The following KIF13B variants were observed in gnomAD, a reference collection of about 807,000 sequenced individuals.
KIF13B encodes the protein kinesin family member 13B.
A neutral mutation model predicts 222.0 loss-of-function variants in KIF13B; 127 were observed. That is an observed-to-expected ratio of 0.57 (90% confidence interval 0.50 to 0.66). The LOEUF (loss-of-function observed/expected upper bound fraction) is 0.66, where lower values mean the gene tolerates loss of function less well. Among genes scored for constraint, KIF13B ranks in the 30% least tolerant of loss-of-function variants. KIF13B has a pLI of 0.00. For missense variants in KIF13B, 2,173 were observed against 2,379.0 expected, an observed-to-expected ratio of 0.91 and a Z score of 1.80; for synonymous variants, 976 against 919.0, an observed-to-expected ratio of 1.06 and a Z score of -1.12.
chr8:29,095,143 C>T, intron 36 of KIF13B, among the ~76,000 whole-genome samples: 1 of 152,058 alleles, frequency 6.6e-6, no homozygotes. Flanking sequence ...TTTACGGATC[C>T]AATAACTTGA....
At position 29,071,711 on chromosome 8, in the gene KIF13B, C is replaced by T. The variant is rs113892153; in HGVS notation, c.5127G>A (p.Val1709=). 2 of 1,550,688 alleles carry T rather than the reference C, an allele frequency of 1.3e-6. No individual in the cohort carries two copies. Among genetic ancestry groups the T allele is most frequent in the South Asian group, 2.4e-5 (2 of 84,068 alleles). The change falls in exon 39 of 40, where the codon GTG becomes GTA. Residue 1709 remains valine (V), a synonymous_variant. Coordinates refer to ENST00000524189, the MANE Select transcript of KIF13B (RefSeq NM_015254.4). This position sits in a 1 kb window ranked among gnomAD's most constrained non-coding sequence, Gnocchi z 4.9. ...EWLREGEFVT[V]GAHKTGVVRY... ...TCACCACGCCCGTTTTGTGGGCGCC[C>T]ACGGTGACGAACTCGCCCTCTCGGA...
rs1811749039 is a variant in KIF13B at position 29,160,908 on chromosome 8, G to A, written c.1270-41C>T. On this transcript the variant is annotated intron_variant, in intron 12 of 39. Coordinates refer to ENST00000524189, the MANE Select transcript of KIF13B (RefSeq NM_015254.4). ...GAGAAGTATTAATTTCACAGCTATTGAGGCAGTGAGATATCCAAGCGTTTA... is the reference window on the plus strand; with the variant it reads ...GAGAAGTATTAATTTCACAGCTATTAAGGCAGTGAGATATCCAAGCGTTTA... 3.2e-6 allele frequency: 5 copies of A among 1,564,860 alleles called. No homozygotes were observed. In the South Asian group the frequency reaches 3.4e-5, roughly 11 times the overall value.
In KIF13B at chr8:29,072,271, C is replaced by A. The variant is rs1455823629; in HGVS notation, c.4567G>T (p.Ala1523Ser). The change falls in exon 39 of 40, where the codon GCC becomes TCC. Residue 1523 changes from alanine (A) to serine (S), a missense_variant. By Grantham distance (99) the Ala-to-Ser change is moderately conservative. Coordinates refer to ENST00000524189, the MANE Select transcript of KIF13B (RefSeq NM_015254.4). ...GPDVLVQTMG[A>S]PALKICDKPA... ...TTGTCGCAGATCTTCAAGGCCGGGG[C>A]CCCCATCGTCTGCACCAGCACGTCA... is the stretch of plus-strand genomic sequence containing the variant. The A allele has an allele frequency of 2.0e-6, 3 of 1,469,990 alleles. No individual in the cohort carries two copies. The highest frequency in any genetic ancestry group is 5.0e-5 in the Admixed American group (2 of 39,854). The allele number at this position is 1,469,990 out of a possible 1,614,324, so 91.1% of individuals were successfully genotyped here. A position where few individuals can be genotyped will look rare whatever the true frequency, so the allele number is the denominator to read the frequency against.
intron 2 of KIF13B, among the ~76,000 whole-genome samples, chr8:29,203,988 C>A (rs1207024206): frequency 6.6e-6 from 1 of 151,378 alleles, no homozygotes; most frequent in Admixed American, 6.6e-5. Flanking sequence ...TAGGAGGAGA[C>A]CTAGAAAAGG....
At chr8:29,080,139 C>T (rs1205939780) in intron 37 of KIF13B, among the ~76,000 whole-genome samples, 1 of 151,922 alleles carries the variant, frequency 6.6e-6, no homozygotes, top group African/African-American at 2.4e-5. Context: ...CCTAGGAGTT[C>T]GAGACCAGCC....
intron 35 of KIF13B, among the ~76,000 whole-genome samples, chr8:29,101,914 G>A (rs1183956971): frequency 7.8e-5 from 9 of 115,538 alleles, no homozygotes; most frequent in Non-Finnish European, 1.5e-4. Context: ...TTACTCACTC[G>A]ATTTTTCTCC....
intron 24 of KIF13B, among the ~76,000 whole-genome samples, chr8:29,129,925 A>T (rs1810272425): frequency 6.6e-6 from 1 of 152,214 alleles, no homozygotes; most frequent in African/African-American, 2.4e-5. Flanking sequence ...CGAAGGCAAG[A>T]GGTTATTGAA....
Position 29,071,778 on chromosome 8 carries a change from AG to A in KIF13B, c.5059del (p.Leu1687TrpfsTer31). 1.9e-6 allele frequency: 3 copies of A among 1,548,768 alleles called. No homozygotes were observed. Among genetic ancestry groups the A allele is most frequent in the Non-Finnish European group, 2.6e-6 (3 of 1,146,546 alleles). ...GTCAGCTTCCTCGGAATCAGAGGCC[AG>A]GGCCTGTCCCCCGGCGCCCGGGGCC... Reference protein sequence around the residue: ...APAPGAGGQALASDSEEADEV... With the variant: ...APAPGAGGQAXASDSEEADEV... On this transcript the variant is annotated frameshift_variant, in exon 39 of 40. Coordinates refer to ENST00000524189, the MANE Select transcript of KIF13B (RefSeq NM_015254.4). LOFTEE classifies it high-confidence loss of function. This position sits in a 1 kb window ranked among gnomAD's most constrained non-coding sequence, Gnocchi z 4.9.
intron 30 of KIF13B, among the ~76,000 whole-genome samples, chr8:29,118,602 CAG>C (rs1017356980): frequency 1.7e-4 from 26 of 152,200 alleles, no homozygotes; most frequent in African/African-American, 5.5e-4. Context: ...GGTTGAGGAA[CAG>C]AGAGAGCCTC....
intron 2 of KIF13B, among the ~76,000 whole-genome samples, chr8:29,205,553 T>C (rs1181868531): frequency 6.6e-6 from 1 of 152,146 alleles, no homozygotes; most frequent in African/African-American, 2.4e-5. Flanking sequence ...ATCACAATCG[T>C]GTCAGGGCTA....
In KIF13B at chr8:29,070,654, G is replaced by A. The variant is rs538837026; in HGVS notation, c.5331C>T (p.Arg1777=). The change falls in exon 40 of 40, where the codon CGC becomes CGT. Residue 1777 remains arginine (R), a synonymous_variant. Transcript: ENST00000524189. This position sits in a 1 kb window ranked among gnomAD's most constrained non-coding sequence, Gnocchi z 4.1. ...VRRATGPVRR[R]STGLRLGAPE... ...GGGCACCCAGCCGGAGTCCTGTGCT[G>A]CGCCGCCGCACAGGGCCCGTGGCCC... 7.8e-5 allele frequency: 122 copies of A among 1,563,534 alleles called. No individual in the cohort carries two copies. In the African/African-American group the frequency reaches 1.5e-3, roughly 19 times the overall value.
In KIF13B at chr8:29,175,963, C is replaced by T. The variant is rs555935564; in HGVS notation, c.945+105G>A. 241 of 702,892 alleles carry T rather than the reference C, an allele frequency of 3.4e-4. 1 individual carries two copies. The South Asian group carries it at 3.7e-3, about 11-fold the overall frequency. 43.5% of individuals were successfully genotyped at this position (702,892 alleles called of 1,614,324 possible). ...AGCCTAATAATTATACATTTGCACACCGATAGAGGAAATGATACCTGGAAG... is the reference window on the plus strand; with the variant it reads ...AGCCTAATAATTATACATTTGCACATCGATAGAGGAAATGATACCTGGAAG... On this transcript the variant is annotated intron_variant, in intron 10 of 39. Transcript: ENST00000524189.
At position 29,165,513 on chromosome 8, in the gene KIF13B, T is replaced by C. The variant is rs1811953704; in HGVS notation, c.1269+149A>G. 5.3e-6 allele frequency: 3 copies of C among 567,010 alleles called. No homozygotes were observed. In the Admixed American group the frequency reaches 1.0e-4, roughly 19 times the overall value. The allele number at this position is 567,010 out of a possible 1,614,324, so 35.1% of individuals were successfully genotyped here. A position where few individuals can be genotyped will look rare whatever the true frequency, so the allele number is the denominator to read the frequency against. On this transcript the variant is annotated intron_variant, in intron 12 of 39. Transcript: ENST00000524189. ...TATCCTTCAAATTAATTTTGCAAAG[T>C]ATAGATTCTTTCAGATCTAGATTCC...
chr8:29,236,139 G>A (rs1433357814), intron 2 of KIF13B, among the ~76,000 whole-genome samples: 1 of 152,114 alleles, frequency 6.6e-6, no homozygotes, highest in African/African-American at 2.4e-5. Context: ...AAGACTTGAT[G>A]AGATAATTGG....
intron 23 of KIF13B, among the ~76,000 whole-genome samples, chr8:29,131,373 G>C (rs1197861304): frequency 6.6e-6 from 1 of 151,838 alleles, no homozygotes; most frequent in African/African-American, 2.4e-5. Flanking sequence ...AAATACAGGG[G>C]TTGTCTTTTC....
At position 29,067,640 on chromosome 8, in the gene KIF13B, G is replaced by C. The variant is rs1176396398; in HGVS notation, c.*2864C>G. On this transcript the variant is annotated 3_prime_UTR_variant, in exon 40 of 40. Coordinates refer to ENST00000524189, the MANE Select transcript of KIF13B (RefSeq NM_015254.4). Reference sequence around the variant, plus strand: ...TTCAATGGGTCAGTATCTTGGGCAGGAAGCACAGGGTGACTCCCGTCTTGT... The same window carrying C: ...TTCAATGGGTCAGTATCTTGGGCAGCAAGCACAGGGTGACTCCCGTCTTGT... The C allele has an allele frequency of 6.6e-6, 1 of 152,298 alleles. No individual in the cohort carries two copies. Among genetic ancestry groups the C allele is most frequent in the African/African-American group, 2.4e-5 (1 of 41,452 alleles). The allele number at this position is 152,298 out of a possible 1,614,324, so 9.4% of individuals were successfully genotyped here. A position where few individuals can be genotyped will look rare whatever the true frequency, so the allele number is the denominator to read the frequency against.
chr8:29,195,185 T>C (rs868032485), intron 3 of KIF13B, among the ~76,000 whole-genome samples: 1 of 151,994 alleles, frequency 6.6e-6, no homozygotes, highest in African/African-American at 2.4e-5. Flanking sequence ...GAGGCAAAGA[T>C]TGCAGTGAGC....
intron 2 of KIF13B, among the ~76,000 whole-genome samples, chr8:29,230,093 T>C (rs1206045961): frequency 6.6e-6 from 1 of 152,202 alleles, no homozygotes; most frequent in Non-Finnish European, 1.5e-5. Context: ...AACTCACTCA[T>C]GCCCACGGTA....
intron 36 of KIF13B, 129 bp downstream of exon 36, chr8:29,099,004 G>C: frequency 1.3e-6 from 1 of 769,786 alleles, no homozygotes; most frequent in Non-Finnish European, 2.3e-6. Context: ...CCTGTTAAGA[G>C]GAGAAATGAA....
Sources: gnomAD v4.1 joint callset for allele counts (sites outside exome capture counted in the v4.1 genomes callset) on GRCh38, gnomAD v4.1.1 for gene constraint, Gnocchi (gnomAD v3.1) non-coding constraint, MANE v1.5 for transcripts, NCBI Gene and HGNC (gene_info 2026-07-23, HGNC 2026-07-21) for gene names.